CCSER1: variants seen among roughly 807,000 people sequenced by gnomAD.
The protein encoded by CCSER1 is coiled-coil serine rich protein 1, also known as serine-rich coiled-coil domain-containing protein 1.
A neutral mutation model predicts 82.0 loss-of-function variants in CCSER1; 41 were observed. That is an observed-to-expected ratio of 0.50 (90% CI 0.39 to 0.65). The LOEUF is 0.65. CCSER1 is among the 30% of genes least tolerant of loss of function. CCSER1 has a pLI of 0.00. For synonymous variants in CCSER1, 414 were observed against 383.9 expected (o/e 1.08, Z -0.92); for missense variants, 1,119 against 1,064.2 (o/e 1.05, Z -0.72).
At chr4:91,332,407 CT>C (rs1051467193) in intron 10 of CCSER1, among the ~76,000 whole-genome samples, 1 of 151,642 alleles carries the variant, frequency 6.6e-6, no homozygotes, top group African/African-American at 2.4e-5. Context: ...AATAAATTAA[CT>C]TAAGTCCCTT....
intron 10 of CCSER1, among the ~76,000 whole-genome samples, chr4:91,497,324 CA>C (rs1278145495): frequency 6.6e-6 from 1 of 151,598 alleles, no homozygotes; most frequent in Non-Finnish European, 1.5e-5. Flanking sequence ...AGTCTTAGTA[CA>C]GTTCTAATAT....
At chr4:91,441,968 A>G (rs1448028384) in intron 10 of CCSER1, among the ~76,000 whole-genome samples, 1 of 152,188 alleles carries the variant, frequency 6.6e-6, no homozygotes, top group South Asian at 2.1e-4. Context: ...AAGGAAATAA[A>G]AGAGAATACA....
At chr4:90,863,054 G>T (rs62311128) in intron 8 of CCSER1, among the ~76,000 whole-genome samples, 1 of 150,436 alleles carries the variant, frequency 6.6e-6, no homozygotes, top group Admixed American at 6.6e-5. Context: ...TCATCATTTA[G>T]CATTAGGTAT....
At chr4:90,458,705 A>G (rs1762496584) in intron 4 of CCSER1, among the ~76,000 whole-genome samples, 1 of 152,220 alleles carries the variant, frequency 6.6e-6, no homozygotes, top group African/African-American at 2.4e-5. Flanking sequence ...GAAATCTTTA[A>G]TGAACAACAA....
chr4:90,175,387 A>G (rs1732475209), intron 1 of CCSER1, among the ~76,000 whole-genome samples: 1 of 151,986 alleles, frequency 6.6e-6, no homozygotes, highest in Admixed American at 6.6e-5. Context: ...GGAAGGAGAA[A>G]TTAAATAAAG....
intron 10 of CCSER1, among the ~76,000 whole-genome samples, chr4:91,119,926 G>T (rs1726940278): frequency 6.6e-6 from 1 of 151,918 alleles, no homozygotes; most frequent in Non-Finnish European, 1.5e-5. Flanking sequence ...GGACAGTTTG[G>T]AAAAGTGGAG....
intron 5 of CCSER1, among the ~76,000 whole-genome samples, chr4:90,541,332 T>G (rs916859432): frequency 6.6e-6 from 1 of 152,082 alleles, no homozygotes; most frequent in Non-Finnish European, 1.5e-5. Context: ...ATTATAATAA[T>G]AACAGTGTTG....
chr4:91,040,543 G>T (rs181000189), intron 9 of CCSER1, among the ~76,000 whole-genome samples: 10 of 152,242 alleles, frequency 6.6e-5, no homozygotes, highest in Admixed American at 2.6e-4. Flanking sequence ...GAAGGAAAAG[G>T]CATCCTATGT....
chr4:91,181,916 A>T (rs1459224164), intron 10 of CCSER1, among the ~76,000 whole-genome samples: 2 of 152,232 alleles, frequency 1.3e-5, no homozygotes, highest in Non-Finnish European at 2.9e-5. Context: ...TTGCCAGCCA[A>T]GATTGATCAA....
At chr4:91,341,424 A>G (rs1460487096) in intron 10 of CCSER1, among the ~76,000 whole-genome samples, 1 of 152,244 alleles carries the variant, frequency 6.6e-6, no homozygotes, top group Non-Finnish European at 1.5e-5. Flanking sequence ...ATAACTAACT[A>G]CAATTAACAT....
At chr4:90,956,944 C>CT (rs35180536) in intron 9 of CCSER1, among the ~76,000 whole-genome samples, 51,592 of 129,160 alleles carry the variant, frequency 0.4, 10,970 homozygotes, top group Admixed American at 0.45. Context: ...CACAACCAGC[C>CT]TTTTTTTTTT....
chr4:91,295,790 C>T (rs1029352194), intron 10 of CCSER1, among the ~76,000 whole-genome samples: 2 of 151,798 alleles, frequency 1.3e-5, no homozygotes, highest in African/African-American at 4.8e-5. Context: ...TTTGGTGTTA[C>T]GCATCATACC....
intron 10 of CCSER1, among the ~76,000 whole-genome samples, chr4:91,319,917 GA>G (rs772210381): frequency 7.9e-5 from 12 of 151,992 alleles, no homozygotes; most frequent in Non-Finnish European, 1.5e-4. Context: ...GAAAATTCCA[GA>G]AACAAACCAA....
intron 10 of CCSER1, among the ~76,000 whole-genome samples, chr4:91,190,162 C>G (rs895495336): frequency 6.6e-6 from 1 of 152,202 alleles, no homozygotes; most frequent in Non-Finnish European, 1.5e-5. Context: ...ACATGTTTCC[C>G]TCACCAGGAT....
At chr4:91,135,362 C>T (rs1057380668) in intron 10 of CCSER1, among the ~76,000 whole-genome samples, 3 of 151,944 alleles carry the variant, frequency 2.0e-5, no homozygotes, top group Non-Finnish European at 4.4e-5. Flanking sequence ...TTGAAAAAGG[C>T]TAAAAAGACA....
At chr4:91,090,275 C>T (rs1031661102) in intron 10 of CCSER1, among the ~76,000 whole-genome samples, 2 of 152,202 alleles carry the variant, frequency 1.3e-5, no homozygotes, top group African/African-American at 4.8e-5. Context: ...AATTACACAG[C>T]TACCTGTCCA....
chr4:91,286,674 GGTT>G (rs1743302378), intron 10 of CCSER1, among the ~76,000 whole-genome samples: 1 of 143,006 alleles, frequency 7.0e-6, no homozygotes. Context: ...ATTTCAATTT[GGTT>G]ATTGTTTTCC....
At chr4:90,238,585 A>G (rs1746240668) in intron 1 of CCSER1, among the ~76,000 whole-genome samples, 2 of 152,126 alleles carry the variant, frequency 1.3e-5, no homozygotes, top group Non-Finnish European at 1.5e-5. Context: ...CTGCCCTTGA[A>G]ACAGAGCTGT....
intron 1 of CCSER1, among the ~76,000 whole-genome samples, chr4:90,200,398 A>G (rs1314969869): frequency 2.0e-5 from 3 of 152,214 alleles, no homozygotes; most frequent in Admixed American, 6.6e-5. Context: ...TGGGCACACA[A>G]ATATCTTGAT....
Sources: allele counts gnomAD v4.1 joint callset (sites outside exome capture counted in the v4.1 genomes callset), GRCh38; gene constraint gnomAD v4.1.1; transcripts MANE v1.5; gene names NCBI Gene and HGNC (gene_info 2026-07-23, HGNC 2026-07-21).